The following ASPRV1 variants were observed in gnomAD, a reference collection of about 807,000 sequenced individuals.
ASPRV1 encodes retroviral-like aspartic protease 1.
Under a neutral mutation model 11.0 loss-of-function variants are expected in ASPRV1, and 7 were observed. That is an observed-to-expected ratio of 0.64 (90% CI 0.36 to 1.20). The LOEUF is 1.20. Ranked by LOEUF, ASPRV1 falls within the 50% of genes most tolerant of loss-of-function variation. ASPRV1 has a pLI of 0.02. For missense variants in ASPRV1, 299 were observed against 320.0 expected, an observed-to-expected ratio of 0.93 and a Z score of 0.50; for synonymous variants, 136 against 138.4, an observed-to-expected ratio of 0.98 and a Z score of 0.12.
chr2:70,024,220 A>G, the ASPRV1 span, among the ~76,000 whole-genome samples: 1 of 152,264 alleles, frequency 6.6e-6, no homozygotes, highest in Non-Finnish European at 1.5e-5. Context: ...TGAGAAAAAA[A>G]TAAAAATTAC....
At chr2:69,992,791 T>C in the ASPRV1 span, among the ~76,000 whole-genome samples, 1 of 152,218 alleles carries the variant, frequency 6.6e-6, no homozygotes, top group Admixed American at 6.5e-5. Context: ...GGAGAAATGG[T>C]TTCATCATTT....
chr2:69,944,801 AC>A, the ASPRV1 span, among the ~76,000 whole-genome samples: 30 of 150,318 alleles, frequency 2.0e-4, no homozygotes, highest in African/African-American at 2.5e-4. Context: ...GTGAAGAAGG[AC>A]CCCCCCTCCT....
At chr2:69,955,653 G>C (rs562113855), downstream of ASPRV1, among the ~76,000 whole-genome samples, 1 of 152,328 alleles carries the variant, frequency 6.6e-6, no homozygotes, top group East Asian at 1.9e-4. Context: ...CGATCCTTTT[G>C]TAGCTTGTAA....
upstream of ASPRV1, chr2:69,961,635 C>G (rs1478422833): frequency 1.9e-6 from 3 of 1,594,624 alleles, no homozygotes; most frequent in Non-Finnish European, 2.6e-6. Flanking sequence ...GTGCTGTGGC[C>G]TGTTCACTCT....
chr2:70,084,020 T>A, the ASPRV1 span, among the ~76,000 whole-genome samples: 7 of 152,006 alleles, frequency 4.6e-5, no homozygotes, highest in African/African-American at 1.5e-4. Flanking sequence ...ACATTACAAT[T>A]TAACCAACGT....
chr2:70,052,458 T>C, the ASPRV1 span, among the ~76,000 whole-genome samples: 96 of 151,650 alleles, frequency 6.3e-4, 1 homozygote, highest in African/African-American at 2.0e-3. Context: ...ACTGGGAGAG[T>C]AGACCAACAT....
upstream of ASPRV1, chr2:69,962,940 A>C: frequency 3.7e-6 from 1 of 268,248 alleles, no homozygotes. Flanking sequence ...ACCAAACAGG[A>C]GTGATTAAGG....
At chr2:69,995,388 CA>C in the ASPRV1 span, 7,479 of 82,646 alleles carry the variant, frequency 0.09, 434 homozygotes, top group Admixed American at 0.26. Flanking sequence ...GACTCTGCCT[CA>C]AAAAAAAAAA....
the ASPRV1 span, chr2:70,055,470 A>G: frequency 6.6e-6 from 1 of 152,246 alleles, no homozygotes; most frequent in Admixed American, 6.5e-5. Context: ...CAATGAGATC[A>G]TATCCTTTGC....
At chr2:70,076,667 T>C in the ASPRV1 span, among the ~76,000 whole-genome samples, 2 of 152,248 alleles carry the variant, frequency 1.3e-5, no homozygotes, top group Admixed American at 6.5e-5. Context: ...ATCTTAAATA[T>C]GCTCAGAACA....
chr2:69,956,785 C>T (rs1430771370), downstream of ASPRV1, among the ~76,000 whole-genome samples: 2 of 152,124 alleles, frequency 1.3e-5, no homozygotes, highest in African/African-American at 2.4e-5. Context: ...TGAAACAAGT[C>T]GGCAACATAT....
chr2:70,051,641 A>T, the ASPRV1 span, among the ~76,000 whole-genome samples: 1 of 152,232 alleles, frequency 6.6e-6, no homozygotes, highest in African/African-American at 2.4e-5. Flanking sequence ...TCAGTGATGT[A>T]CCAGGAACTG....
the ASPRV1 span, among the ~76,000 whole-genome samples, chr2:69,944,526 G>T: frequency 6.6e-6 from 1 of 152,228 alleles, no homozygotes; most frequent in Non-Finnish European, 1.5e-5. Flanking sequence ...AACCCACAGA[G>T]CTAGTGAGGG....
the ASPRV1 span, among the ~76,000 whole-genome samples, chr2:70,011,120 G>A: frequency 6.6e-6 from 1 of 152,042 alleles, no homozygotes; most frequent in Non-Finnish European, 1.5e-5. Context: ...TGGAGGGTGG[G>A]GGGTGTGGGA....
the ASPRV1 span, among the ~76,000 whole-genome samples, chr2:70,001,864 G>A: frequency 1.3e-5 from 2 of 152,122 alleles, no homozygotes; most frequent in South Asian, 2.1e-4. Flanking sequence ...GAAGGGATTC[G>A]TTAAATCATG....
chr2:69,955,423 T>C (rs1295752600), downstream of ASPRV1, among the ~76,000 whole-genome samples: 2 of 152,242 alleles, frequency 1.3e-5, no homozygotes, highest in African/African-American at 4.8e-5. Context: ...GCGCTCGGCT[T>C]CCTCATTTGT....
the ASPRV1 span, among the ~76,000 whole-genome samples, chr2:70,003,626 C>G: frequency 6.6e-6 from 1 of 152,210 alleles, no homozygotes; most frequent in Admixed American, 6.5e-5. Context: ...CCTTTGGAAG[C>G]TCTTCTCCAA....
At chr2:70,005,738 G>A in the ASPRV1 span, among the ~76,000 whole-genome samples, 1 of 152,188 alleles carries the variant, frequency 6.6e-6, no homozygotes, top group African/African-American at 2.4e-5. Flanking sequence ...TGTAGAGAAT[G>A]ACAATCTATC....
chr2:70,039,291 C>T, the ASPRV1 span, among the ~76,000 whole-genome samples: 1 of 152,112 alleles, frequency 6.6e-6, no homozygotes, highest in Non-Finnish European at 1.5e-5. Context: ...GGGAGTTCTA[C>T]ATCTGTATCA....
Sources: allele counts gnomAD v4.1 joint callset (sites outside exome capture counted in the v4.1 genomes callset), GRCh38; gene constraint gnomAD v4.1.1; transcripts MANE v1.5; gene names NCBI Gene and HGNC (gene_info 2026-07-23, HGNC 2026-07-21).